The following RIF1 variants were observed in gnomAD, a reference collection of about 807,000 sequenced individuals.
RIF1 encodes replication timing regulatory factor 1, also known as telomere-associated protein RIF1.
Under a neutral mutation model 247.1 loss-of-function variants are expected in RIF1, and 45 were observed. The observed-to-expected ratio is 0.18, with a 90% confidence interval of 0.14 to 0.23. The LOEUF is 0.23. Among genes scored for constraint, RIF1 ranks in the 10% least tolerant of loss-of-function variants. RIF1 has a pLI of 1.00. For missense variants in RIF1, 2,967 were observed against 2,862.5 expected, an observed-to-expected ratio of 1.04 and a Z score of -0.83; for synonymous variants, 1,087 against 978.8, an observed-to-expected ratio of 1.11 and a Z score of -2.06.
Position 151,435,489 on chromosome 2 carries a change from A to G in RIF1, c.1104A>G (p.Thr368=), listed in dbSNP as rs371101165. The change falls in exon 11 of 36, where the codon ACA becomes ACG. Residue 368 remains threonine, a synonymous_variant. Transcript: ENST00000444746. ...TTTGTGTGCCTCTGATTCAAAGTAC[A>G]ATAAGCATTGATTCTAATGCCTCAC... ...EQVCVPLIQS[T]ISIDSNASPQ... is the part of the protein sequence containing the mutation. The G allele has an allele frequency of 2.5e-6, 4 of 1,611,408 alleles. No homozygotes were observed. In the African/African-American group the frequency reaches 4.0e-5, roughly 16 times the overall value.
rs757479544 is a variant in RIF1 at position 151,465,250 on chromosome 2, T to C, written c.5730T>C (p.Asn1910=). 2 of 1,611,134 alleles carry C rather than the reference T, an allele frequency of 1.2e-6. No individual in the cohort carries two copies. Among genetic ancestry groups the C allele is most frequent in the South Asian group, 2.2e-5 (2 of 90,242 alleles). The part of the protein sequence containing the change: ...EGNACKVTES[N]LEKAKTMELN... ...ATGCATGTAAAGTAACAGAATCCAATCTAGAGAAAGCAAAAACTATGGAAT... is the reference window on the plus strand; with the variant it reads ...ATGCATGTAAAGTAACAGAATCCAACCTAGAGAAAGCAAAAACTATGGAAT... Residue 1910 remains asparagine, a synonymous_variant, in exon 30 of 36, where the codon AAT becomes AAC. Coordinates refer to ENST00000444746, the MANE Select transcript of RIF1 (RefSeq NM_018151.5).
Position 151,469,789 on chromosome 2 carries a change from A to C in RIF1, c.7020A>C (p.Glu2340Asp). Reference sequence around the variant, plus strand: ...ATTTGAGTACTCTTACAGCATCTGAAATAAAAACTCTTCCTATCCGTTCTC... The same window carrying C: ...ATTTGAGTACTCTTACAGCATCTGACATAAAAACTCTTCCTATCCGTTCTC... ...IGDLSTLTAS[E>D]IKTLPIRSPK... is the part of the protein sequence containing the mutation. The change falls in exon 34 of 36, where the codon GAA (glutamate) becomes GAC (aspartate). Residue 2340 changes from glutamate (E) to aspartate (D), a missense_variant. Physicochemically the swap from Glu to Asp is conservative, Grantham distance 45. Coordinates refer to ENST00000444746, the MANE Select transcript of RIF1 (RefSeq NM_018151.5). 1 of 1,612,190 alleles carries C rather than the reference A, an allele frequency of 6.2e-7. No homozygotes were observed. Among genetic ancestry groups the C allele is most frequent in the Non-Finnish European group, 8.5e-7 (1 of 1,178,676 alleles).
Position 151,496,315 on chromosome 2 carries a change from C to T in RIF1, c.*513+989C>T. ...CTTGATTGTGTTTGACTCGCTCCAT[C>T]TCGGGAGTGACAGCTAAAGGAGTTC... On this transcript the variant is annotated intron_variant and NMD_transcript_variant, in intron 10 of 13. Coordinates refer to the RIF1 transcript ENST00000454583. 1.9e-6 allele frequency: 3 copies of T among 1,612,400 alleles called. No homozygotes were observed. The highest frequency in any genetic ancestry group is 2.7e-5 in the African/African-American group (2 of 74,994).
chr2:151,467,760 T>G (rs1486054934), intron 30 of RIF1, among the ~76,000 whole-genome samples: 1 of 152,146 alleles, frequency 6.6e-6, no homozygotes, highest in Non-Finnish European at 1.5e-5. Flanking sequence ...TTACTGTGCC[T>G]TTTTCACAAT....
rs189611355 is a variant in RIF1, at chr2:151,433,313, T to C, written c.1077+85T>C. On this transcript the variant is annotated intron_variant, in intron 10 of 35. Coordinates refer to ENST00000444746, the MANE Select transcript of RIF1 (RefSeq NM_018151.5). ...TTACCAATGTAATCCTGTGGTGTTA[T>C]TTTTGCTATTTATTAGCAGACTAGA... The C allele has an allele frequency of 8.0e-4, 885 of 1,107,706 alleles. 4 individuals are homozygous for C. In the African/African-American group the frequency reaches 0.012, roughly 16 times the overall value. The allele number at this position is 1,107,706 out of a possible 1,614,324, so 68.6% of individuals were successfully genotyped here.
In RIF1 at chr2:151,463,643, G is replaced by C; in HGVS notation, c.4123G>C (p.Glu1375Gln). Residue 1375 changes from glutamate to glutamine, a missense_variant, in exon 30 of 36, where the codon GAG (glutamate) becomes CAG (glutamine). This residue lies in a region of RIF1 where 2,028 missense variants were observed against 1,825.6 expected (regional missense o/e 1.11). Transcript: ENST00000444746. ...ATTATTGGAAACTAATACTGTAGAG[G>C]AGAAAAATGTAGAAATTAATTTGGA... Reference protein sequence around the residue: ...AVLLETNTVEEKNVEINLESK... With the variant: ...AVLLETNTVEQKNVEINLESK... The C allele has an allele frequency of 1.9e-6, 3 of 1,613,716 alleles. No homozygotes were observed. Among genetic ancestry groups the C allele is most frequent in the Non-Finnish European group, 2.5e-6 (3 of 1,179,872 alleles).
In RIF1 at chr2:151,475,275, T is replaced by C; in HGVS notation, c.*204T>C. The C allele has an allele frequency of 1.9e-6, 1 of 529,192 alleles. No homozygotes were observed. Among genetic ancestry groups the C allele is most frequent in the Non-Finnish European group, 3.3e-6 (1 of 301,014 alleles). The allele number at this position is 529,192 out of a possible 1,614,324, so 32.8% of individuals were successfully genotyped here. A position where few individuals can be genotyped will look rare whatever the true frequency, so the allele number is the denominator to read the frequency against. ...AGATCCTTTTTTTTTTCATAATATG[T>C]ATTCTTGGCTGCTATGCGTGGTTTT... On this transcript the variant is annotated 3_prime_UTR_variant, in exon 36 of 36. Coordinates refer to ENST00000444746, the MANE Select transcript of RIF1 (RefSeq NM_018151.5).
intron 16 of RIF1, among the ~76,000 whole-genome samples, chr2:151,442,725 C>T (rs1692551883): frequency 6.9e-6 from 1 of 144,146 alleles, no homozygotes; most frequent in Admixed American, 7.1e-5. Flanking sequence ...CCTTGATTTT[C>T]TGTGTAGAGG....
At chr2:151,498,475 A>C (rs1254069709) in intron 10 of RIF1, 1 of 668,286 alleles carries the variant, frequency 1.5e-6, no homozygotes, top group East Asian at 2.7e-5. Context: ...AAATACCAGA[A>C]GCTTTTAGAC....
Position 151,436,829 on chromosome 2 carries a change from G to A in RIF1, c.1198G>A (p.Ala400Thr), listed in dbSNP as rs1304477018. Residue 400 changes from alanine (A) to threonine (T), a missense_variant and splice_region_variant, in exon 12 of 36, where the codon GCT becomes ACT. Physicochemically the swap from Ala to Thr is moderately conservative, Grantham distance 58. Around this residue, in one of 7 missense-constraint regions of RIF1, gnomAD observed 369 missense variants for 322.0 expected, o/e 1.15. Transcript: ENST00000444746. The part of the protein sequence containing the change: ...LNPMTPVHKG[A>T]SSPYGAPGTP... Reference sequence around the variant, plus strand: ...CTCTTTTTTTTTTTTTCTTAAAGGTGCTTCCTCCCCGTACGGAGCCCCGGG... The same window carrying A: ...CTCTTTTTTTTTTTTTCTTAAAGGTACTTCCTCCCCGTACGGAGCCCCGGG... 5 of 1,544,946 alleles carry A rather than the reference G, an allele frequency of 3.2e-6. No homozygotes were observed. In the Admixed American group the frequency reaches 8.5e-5, roughly 26 times the overall value.
downstream of RIF1, among the ~76,000 whole-genome samples, chr2:151,510,316 T>C (rs115538815): frequency 0.01 from 1,557 of 152,326 alleles, 33 homozygotes; most frequent in African/African-American, 0.036. Flanking sequence ...TATTTTGTTA[T>C]GCTTTAAGGC....
rs980784731 is a variant in RIF1, at chr2:151,481,990, T to TAA, written c.*6920_*6921insAA. The TAA allele has an allele frequency of 3.3e-5, 5 of 150,620 alleles. No individual in the cohort carries two copies. The highest frequency in any genetic ancestry group is 1.2e-4 in the African/African-American group (5 of 40,940). 9.3% of individuals were successfully genotyped at this position (150,620 alleles called of 1,614,324 possible). A position where few individuals can be genotyped will look rare whatever the true frequency, so the allele number is the denominator to read the frequency against. On this transcript the variant is annotated 3_prime_UTR_variant, in exon 36 of 36. Transcript: ENST00000444746. ...ATACAGTGTTTGAAGTAGGCACACT[T>TAA]ACAGTTACTATTTCTGGTTCTTTAT...
At chr2:151,488,207 T>TA (rs2052743746) in intron 9 of RIF1, among the ~76,000 whole-genome samples, 1 of 152,168 alleles carries the variant, frequency 6.6e-6, no homozygotes. Context: ...ATATTTTTGT[T>TA]ATGTATGCTG....
Position 151,440,036 on chromosome 2 carries a change from A to C in RIF1, c.1556A>C (p.Lys519Thr). The change falls in exon 15 of 36, where the codon AAA becomes ACA. Residue 519 changes from lysine (K) to threonine (T), a missense_variant. By Grantham distance (78) the Lys-to-Thr change is moderately conservative. Coordinates refer to ENST00000444746, the MANE Select transcript of RIF1 (RefSeq NM_018151.5). Reference sequence around the variant, plus strand: ...TTTTGCTTTTTGATAGGTAACAAAAAAGAGAAACCAGGTTCTGAAGTTTTG... The same window carrying C: ...TTTTGCTTTTTGATAGGTAACAAAACAGAGAAACCAGGTTCTGAAGTTTTG... ...VKSVTESGNK[K>T]EKPGSEVLTL... is the part of the protein sequence containing the mutation. 6.4e-7 allele frequency: 1 copy of C among 1,557,756 alleles called. No homozygotes were observed. Among genetic ancestry groups the C allele is most frequent in the Non-Finnish European group, 8.8e-7 (1 of 1,142,180 alleles).
chr2:151,410,352 G>T, intron 1 of RIF1, 62 bp from the exon 2 acceptor site: 1 of 1,385,342 alleles, frequency 7.2e-7, no homozygotes, highest in South Asian at 1.2e-5. Context: ...ACTCACACTG[G>T]GCCGCCGCGG....
chr2:151,514,605 C>G, the RIF1 span, among the ~76,000 whole-genome samples: 17 of 152,162 alleles, frequency 1.1e-4, no homozygotes, highest in Non-Finnish European at 2.4e-4. Flanking sequence ...CAAATGAAAG[C>G]TTGAAGTTAA....
At position 151,433,066 on chromosome 2, in the gene RIF1, T is replaced by G. The variant is rs778753689; in HGVS notation, c.926-11T>G. ...GACGTCTCTTTAACTGTGTGCTTAT[T>G]TTCTTTTAAGATATACTATGTAGTG... is the stretch of plus-strand genomic sequence containing the variant. On this transcript the variant is annotated splice_polypyrimidine_tract_variant and intron_variant, in intron 9 of 35. Transcript: ENST00000444746. 3.2e-5 allele frequency: 51 copies of G among 1,603,168 alleles called. No homozygotes were observed. The highest frequency in any genetic ancestry group is 1.7e-4 in the Middle Eastern group (1 of 6,016).
chr2:151,464,294 C>G lies in RIF1; in HGVS notation c.4774C>G (p.Gln1592Glu). ...AGATCAAGAAGAGAAAGTGGTGAAA[C>G]AGGAATGTATAAAAGCTGAAAATCA... ...IQDQEEKVVK[Q>E]ECIKAENQSH... Residue 1592 changes from glutamine to glutamate, a missense_variant, in exon 30 of 36, where the codon CAG becomes GAG. Transcript: ENST00000444746. 1 of 1,613,282 alleles carries G rather than the reference C, an allele frequency of 6.2e-7. No homozygotes were observed. Among genetic ancestry groups the G allele is most frequent in the Non-Finnish European group, 8.5e-7 (1 of 1,179,836 alleles).
At chr2:151,442,150 A>T (rs1396419073) in intron 16 of RIF1, among the ~76,000 whole-genome samples, 159 bp downstream of exon 16, 2 of 151,270 alleles carry the variant, frequency 1.3e-5, no homozygotes, top group African/African-American at 4.9e-5. Flanking sequence ...ATCTCGGCTC[A>T]CTGCAACCTC....
Sources: gnomAD v4.1 joint callset for allele counts (sites outside exome capture counted in the v4.1 genomes callset) on GRCh38, gnomAD v4.1.1 for gene constraint, gnomAD v4.1.1 regional missense constraint, MANE v1.5 for transcripts, NCBI Gene and HGNC (gene_info 2026-07-23, HGNC 2026-07-21) for gene names.